The following GRXCR1 variants were observed in gnomAD, a reference collection of about 807,000 sequenced individuals.
GRXCR1 encodes glutaredoxin domain-containing cysteine-rich protein 1.
Under a neutral mutation model 27.3 loss-of-function variants are expected in GRXCR1, and 27 were observed. That is an observed-to-expected ratio of 0.99 (90% CI 0.73 to 1.37). The LOEUF (loss-of-function observed/expected upper bound fraction) is 1.37, where lower values mean the gene tolerates loss of function less well. GRXCR1 is among the 40% of genes most tolerant of loss of function. GRXCR1 has a pLI of 0.00. For missense variants in GRXCR1, 379 were observed against 354.4 expected (o/e 1.07, Z -0.56); for synonymous variants, 122 against 131.1 (o/e 0.93, Z 0.47).
At chr4:42,980,660 G>A (rs1031573926) in intron 2 of GRXCR1, among the ~76,000 whole-genome samples, 1 of 151,964 alleles carries the variant, frequency 6.6e-6, no homozygotes, top group Non-Finnish European at 1.5e-5. Context: ...TTTGTCTAGT[G>A]CGCAGTTTAA....
intron 2 of GRXCR1, among the ~76,000 whole-genome samples, chr4:43,000,785 T>C (rs958410392): frequency 1.4e-4 from 22 of 152,094 alleles, no homozygotes; most frequent in African/African-American, 5.3e-4. Context: ...AGCACTACTG[T>C]ATAAGCCTAC....
intron 1 of GRXCR1, among the ~76,000 whole-genome samples, chr4:42,899,602 A>G (rs941392414): frequency 2.6e-5 from 4 of 151,926 alleles, no homozygotes; most frequent in Admixed American, 2.0e-4. Context: ...CTTTCTTTCT[A>G]GTTGAGTTCT....
At chr4:42,973,339 T>A (rs1421669041) in intron 2 of GRXCR1, among the ~76,000 whole-genome samples, 1 of 152,190 alleles carries the variant, frequency 6.6e-6, no homozygotes, top group Non-Finnish European at 1.5e-5. Flanking sequence ...AGTTTTCTAT[T>A]GTGATCCACA....
chr4:42,987,033 T>TGTGTG (rs58630694), intron 2 of GRXCR1, among the ~76,000 whole-genome samples: 2 of 148,676 alleles, frequency 1.3e-5, no homozygotes, highest in African/African-American at 5.0e-5. Context: ...TGTGTGTGTG[T>TGTGTG]TTAGGGGGTA....
chr4:42,960,641 T>C (rs972653196), intron 1 of GRXCR1, among the ~76,000 whole-genome samples: 2 of 151,690 alleles, frequency 1.3e-5, no homozygotes, highest in Admixed American at 1.3e-4. Flanking sequence ...CCTACACTTG[T>C]GTTTTTTTTT....
intron 1 of GRXCR1, among the ~76,000 whole-genome samples, chr4:42,938,464 A>G (rs1426545967): frequency 6.6e-6 from 1 of 151,948 alleles, no homozygotes; most frequent in Non-Finnish European, 1.5e-5. Flanking sequence ...AGATTGCTGC[A>G]TCCATATGGT....
chr4:42,907,007 G>A (rs575331687), intron 1 of GRXCR1, among the ~76,000 whole-genome samples: 1 of 152,130 alleles, frequency 6.6e-6, no homozygotes. Flanking sequence ...AACTGAAATT[G>A]GATTCTTGTA....
At chr4:42,949,130 C>A (rs1747817328) in intron 1 of GRXCR1, among the ~76,000 whole-genome samples, 1 of 151,764 alleles carries the variant, frequency 6.6e-6, no homozygotes, top group South Asian at 2.1e-4. Flanking sequence ...CTAAGGTGGG[C>A]AGATCACGAG....
intron 2 of GRXCR1, among the ~76,000 whole-genome samples, chr4:43,019,878 G>A (rs137967124): frequency 1.3e-5 from 2 of 152,172 alleles, no homozygotes; most frequent in Non-Finnish European, 2.9e-5. Context: ...CTTAAGTAGT[G>A]TTGGTAGTCA....
At position 43,030,527 on chromosome 4, in the gene GRXCR1, A is replaced by G; in HGVS notation, c.860A>G (p.Asn287Ser). 1 of 1,614,040 alleles carries G rather than the reference A, an allele frequency of 6.2e-7. No individual in the cohort carries two copies. The highest frequency in any genetic ancestry group is 8.5e-7 in the Non-Finnish European group (1 of 1,179,938). ...CNENGLQRCKNCAG is the reference protein window; with the variant it reads ...CNENGLQRCKSCAG ...GAAAATGGTCTTCAGCGTTGTAAGAACTGTGCTGGTTAATTGGAGCTTCTA... is the reference window on the plus strand; with the variant it reads ...GAAAATGGTCTTCAGCGTTGTAAGAGCTGTGCTGGTTAATTGGAGCTTCTA... Residue 287 changes from asparagine to serine, a missense_variant, in exon 4 of 4, where the codon AAC becomes AGC. By Grantham distance (46) the Asn-to-Ser change is conservative (BLOSUM62 1). Transcript: ENST00000399770.
intron 3 of GRXCR1, among the ~76,000 whole-genome samples, chr4:43,023,196 G>A (rs1247114000): frequency 6.6e-6 from 1 of 152,112 alleles, no homozygotes; most frequent in African/African-American, 2.4e-5. Context: ...CAGGGAATAG[G>A]CTGGGTTTTG....
At chr4:42,947,815 C>T (rs554844759) in intron 1 of GRXCR1, among the ~76,000 whole-genome samples, 2 of 152,240 alleles carry the variant, frequency 1.3e-5, no homozygotes, top group East Asian at 3.9e-4. Context: ...TTTGAATATA[C>T]AATCAATAAT....
chr4:42,932,615 T>TAGAGAGAGAGAGAG (rs1747350666), intron 1 of GRXCR1, among the ~76,000 whole-genome samples: 1 of 33,960 alleles, frequency 2.9e-5, no homozygotes, highest in African/African-American at 9.6e-5. Context: ...TATATATATA[T>TAGAGAGAGAGAGAG]ATATAGAGAG....
chr4:42,979,447 G>T (rs1027875024), intron 2 of GRXCR1, among the ~76,000 whole-genome samples: 3 of 151,890 alleles, frequency 2.0e-5, no homozygotes, highest in South Asian at 2.1e-4. Flanking sequence ...ATAATATATT[G>T]TTTTCTTTCA....
intron 2 of GRXCR1, among the ~76,000 whole-genome samples, chr4:43,002,147 C>A (rs376007830): frequency 0.042 from 4,049 of 95,844 alleles, no homozygotes; most frequent in African/African-American, 0.05. Flanking sequence ...GAGACAGTGG[C>A]CTTCCTCTAT....
chr4:42,982,360 C>T (rs1389667514), intron 2 of GRXCR1, among the ~76,000 whole-genome samples: 2 of 136,920 alleles, frequency 1.5e-5, no homozygotes, highest in Admixed American at 1.5e-4. Flanking sequence ...CCAATTTCAT[C>T]CATGTCCCTA....
chr4:42,899,568 A>G (rs911233013), intron 1 of GRXCR1, among the ~76,000 whole-genome samples: 1 of 151,954 alleles, frequency 6.6e-6, no homozygotes, highest in Non-Finnish European at 1.5e-5. Flanking sequence ...TTTATTTTGG[A>G]TCTTTTTCTT....
At chr4:42,927,906 G>T (rs1747210379) in intron 1 of GRXCR1, among the ~76,000 whole-genome samples, 1 of 151,918 alleles carries the variant, frequency 6.6e-6, no homozygotes, top group African/African-American at 2.4e-5. Flanking sequence ...AGGAGAGTGG[G>T]GATTGAGCAG....
At chr4:42,898,757 C>T (rs1234155646) in intron 1 of GRXCR1, among the ~76,000 whole-genome samples, 4 of 152,110 alleles carry the variant, frequency 2.6e-5, no homozygotes, top group South Asian at 2.1e-4. Context: ...CTGACAGAAA[C>T]ATTAATTTAT....
Sources: allele counts gnomAD v4.1 joint callset (sites outside exome capture counted in the v4.1 genomes callset), GRCh38; gene constraint gnomAD v4.1.1; transcripts MANE v1.5; gene names NCBI Gene and HGNC (gene_info 2026-07-23, HGNC 2026-07-21).